NT5M: variants seen among roughly 807,000 people sequenced by gnomAD.
The protein encoded by NT5M is 5',3'-nucleotidase, mitochondrial.
Under a neutral mutation model 22.2 loss-of-function variants are expected in NT5M, and 22 were observed. The observed-to-expected ratio is 0.99, with a 90% CI of 0.71 to 1.41. The LOEUF is 1.41. Among genes scored for constraint, NT5M ranks in the 40% most tolerant of loss-of-function variants. NT5M has a pLI of 0.00. For missense variants in NT5M, 322 were observed against 314.8 expected, an observed-to-expected ratio of 1.02 and a Z score of -0.17; for synonymous variants, 167 against 133.0, an observed-to-expected ratio of 1.26 and a Z score of -1.76.
At chr17:17,338,306 C>CCT (rs2030091014) in intron 3 of NT5M, among the ~76,000 whole-genome samples, 1 of 152,088 alleles carries the variant, frequency 6.6e-6, no homozygotes, top group African/African-American at 2.4e-5. Context: ...GATTCTCCTG[C>CCT]CTCAGCCTCT....
chr17:17,307,122 C>T (rs1370938720), intron 2 of NT5M, among the ~76,000 whole-genome samples: 1 of 152,072 alleles, frequency 6.6e-6, no homozygotes, highest in African/African-American at 2.4e-5. Context: ...CGCTTGAACC[C>T]GGGAGGTGGA....
chr17:17,338,720 A>AT, intron 3 of NT5M, among the ~76,000 whole-genome samples: 1 of 39,466 alleles, frequency 2.5e-5, no homozygotes, highest in Non-Finnish European at 5.3e-5. Context: ...GAAGAATGTC[A>AT]TTGGTATTTT....
In NT5M at chr17:17,317,568, G is replaced by A. The variant is rs78797222; in HGVS notation, c.369-5617G>A. On this transcript the variant is annotated intron_variant, in intron 2 of 4. Coordinates refer to ENST00000389022, the MANE Select transcript of NT5M (RefSeq NM_020201.4). ...ACAGAAGGCCGGAAGGCCAGCCTGGGCAACATAGAGTGAGACAGTCTCTAA... is the reference window on the plus strand; with the variant it reads ...ACAGAAGGCCGGAAGGCCAGCCTGGACAACATAGAGTGAGACAGTCTCTAA... 3.1e-3 allele frequency among the ~76,000 whole-genome samples: 467 copies of A among 152,318 alleles called. 19 individuals are homozygous for A. The East Asian group carries it at 0.065, about 21-fold the overall frequency.
chr17:17,306,499 G>A, intron 1 of NT5M, 44 bp from the exon 2 acceptor site: 1 of 1,385,542 alleles, frequency 7.2e-7, no homozygotes, highest in Non-Finnish European at 1.0e-6. Context: ...GGGCAGTAAG[G>A]TGCTGAGGAC....
At chr17:17,318,608 A>G (rs1480061230) in intron 2 of NT5M, among the ~76,000 whole-genome samples, 1 of 151,214 alleles carries the variant, frequency 6.6e-6, no homozygotes, top group African/African-American at 2.4e-5. Flanking sequence ...CAACATGGAG[A>G]AACTCTGTCT....
At chr17:17,340,220 A>G (rs561626411) in intron 3 of NT5M, among the ~76,000 whole-genome samples, 16 of 152,292 alleles carry the variant, frequency 1.1e-4, no homozygotes, top group Admixed American at 5.9e-4. Flanking sequence ...GATTGCATGT[A>G]TCTAGGAATT....
chr17:17,303,410 TC>T lies in NT5M; in HGVS notation c.-137del, dbSNP rs1173597478. 1 of 964,558 alleles carries T rather than the reference TC, an allele frequency of 1.0e-6. No homozygotes were observed. Among genetic ancestry groups the T allele is most frequent in the African/African-American group, 1.8e-5 (1 of 56,640 alleles). 59.7% of individuals were successfully genotyped at this position (964,558 alleles called of 1,614,324 possible). A position where few individuals can be genotyped will look rare whatever the true frequency, so the allele number is the denominator to read the frequency against. On this transcript the variant is annotated 5_prime_UTR_variant, in exon 1 of 5. Transcript: ENST00000389022. ...GTACTTGCGCGCCCGCACCCCGCGCTCCCCGCCCCGCTCCCCGTCCCGCGCT... is the reference window on the plus strand; with the variant it reads ...GTACTTGCGCGCCCGCACCCCGCGCTCCCGCCCCGCTCCCCGTCCCGCGCT...
intron 2 of NT5M, among the ~76,000 whole-genome samples, chr17:17,315,528 T>C (rs1275470600): frequency 6.6e-6 from 1 of 152,018 alleles, no homozygotes; most frequent in Non-Finnish European, 1.5e-5. Flanking sequence ...ACATCAGACC[T>C]GAAGAGTAAG....
intron 2 of NT5M, 63 bp downstream of exon 2, chr17:17,306,706 C>T: frequency 9.5e-7 from 1 of 1,054,296 alleles, no homozygotes; most frequent in Non-Finnish European, 1.5e-6. Context: ...CCTGTACCTC[C>T]TTCCTGCTTC....
chr17:17,338,132 T>C (rs926277062), intron 3 of NT5M, among the ~76,000 whole-genome samples: 1 of 152,226 alleles, frequency 6.6e-6, no homozygotes, highest in Admixed American at 6.5e-5. Context: ...ATATATGTTC[T>C]TGGCACCTTT....
chr17:17,309,752 A>G (rs2048885633), intron 2 of NT5M, among the ~76,000 whole-genome samples: 1 of 146,630 alleles, frequency 6.8e-6, no homozygotes, highest in Admixed American at 6.9e-5. Flanking sequence ...GCTTCTTCAT[A>G]TGACACAAAA....
intron 3 of NT5M, among the ~76,000 whole-genome samples, chr17:17,341,666 T>G (rs1345692598): frequency 6.6e-6 from 1 of 152,220 alleles, no homozygotes. Flanking sequence ...ACATAAGTGC[T>G]CATGGCTGGG....
intron 3 of NT5M, among the ~76,000 whole-genome samples, chr17:17,334,592 C>T (rs2049459873): frequency 6.6e-6 from 1 of 150,730 alleles, no homozygotes; most frequent in Non-Finnish European, 1.5e-5. Flanking sequence ...TCTCGTGCCT[C>T]AGCCTCCCGA....
At position 17,347,046 on chromosome 17, in the gene NT5M, ACT is replaced by A; in HGVS notation, c.*101_*102del. On this transcript the variant is annotated 3_prime_UTR_variant, in exon 5 of 5. Coordinates refer to ENST00000389022, the MANE Select transcript of NT5M (RefSeq NM_020201.4). ...ATGCTGGTCTGGGAGTCCCTCCTAG[ACT>A]CCTGGGCCCCATGACCTCCTGCTGC... The A allele has an allele frequency of 6.9e-7, 1 of 1,442,908 alleles. No individual in the cohort carries two copies. The highest frequency in any genetic ancestry group is 9.3e-7 in the Non-Finnish European group (1 of 1,076,854). 89.4% of individuals were successfully genotyped at this position (1,442,908 alleles called of 1,614,324 possible).
chr17:17,314,335 G>A (rs1051586029), intron 2 of NT5M, among the ~76,000 whole-genome samples: 9 of 152,044 alleles, frequency 5.9e-5, no homozygotes, highest in East Asian at 1.9e-4. Flanking sequence ...GTGCCCGGCC[G>A]AATATATTCT....
At chr17:17,311,288 A>C (rs1201379119) in intron 2 of NT5M, among the ~76,000 whole-genome samples, 3 of 151,658 alleles carry the variant, frequency 2.0e-5, no homozygotes, top group Non-Finnish European at 2.9e-5. Context: ...CAGTGAGCCA[A>C]GATTGCGCCA....
intron 2 of NT5M, among the ~76,000 whole-genome samples, chr17:17,312,599 G>T (rs574168946): frequency 7.0e-6 from 1 of 143,816 alleles, no homozygotes; most frequent in African/African-American, 2.6e-5. Flanking sequence ...AGCCAAGATT[G>T]CGCCATTGTA....
intron 3 of NT5M, among the ~76,000 whole-genome samples, chr17:17,339,131 G>A (rs1383493047): frequency 1.3e-5 from 2 of 152,180 alleles, no homozygotes; most frequent in Non-Finnish European, 2.9e-5. Flanking sequence ...CATGGAATGA[G>A]TATCTTTCCA....
At position 17,323,187 on chromosome 17, in the gene NT5M, C is replaced by T. The variant is rs777620604; in HGVS notation, c.371C>T (p.Thr124Ile). The T allele has an allele frequency of 7.4e-6, 12 of 1,614,062 alleles. No individual in the cohort carries two copies. The highest frequency in any genetic ancestry group is 1.0e-5 in the Non-Finnish European group (12 of 1,179,906). The change falls in exon 3 of 5, where the codon ACT (threonine) becomes ATT (isoleucine). Residue 124 changes from threonine to isoleucine, a missense_variant and splice_region_variant. Transcript: ENST00000389022. ...AVKEMASLQNTDVFICTSPIK... is the reference protein window; with the variant it reads ...AVKEMASLQNIDVFICTSPIK... ...AACCTCCTTTCTCTTGTTGACAGCA[C>T]TGACGTCTTCATCTGCACAAGCCCC...
Sources: allele counts gnomAD v4.1 joint callset (sites outside exome capture counted in the v4.1 genomes callset), GRCh38; gene constraint gnomAD v4.1.1; transcripts MANE v1.5; gene names NCBI Gene and HGNC (gene_info 2026-07-23, HGNC 2026-07-21).